Variants in TUT7 observed in about 807,000 individuals in gnomAD.
The protein encoded by TUT7 is terminal uridylyl transferase 7.
Under a neutral mutation model 165.9 loss-of-function variants are expected in TUT7, and 33 were observed. That is an observed-to-expected ratio of 0.20 (90% CI 0.15 to 0.27). The LOEUF is 0.27. TUT7 is among the 10% of genes least tolerant of loss of function. The pLI is 1.00. For synonymous variants in TUT7, 552 were observed against 608.1 expected (o/e 0.91, Z 1.36); for missense variants, 1,338 against 1,762.3 (o/e 0.76, Z 4.31).
In TUT7 at chr9:86,310,807, G is replaced by A; in HGVS notation, c.3277C>T (p.Leu1093=). The A allele has an allele frequency of 1.9e-6, 3 of 1,581,084 alleles. No homozygotes were observed. The highest frequency in any genetic ancestry group is 2.6e-6 in the Non-Finnish European group (3 of 1,150,362). Residue 1093 remains leucine, a splice_region_variant and synonymous_variant, in exon 18 of 27, where the codon CTG becomes TTG. Coordinates refer to ENST00000375963, the MANE Select transcript of TUT7 (RefSeq NM_024617.4). ...LARVLRKHSG[L]RNILPITTAK... is the part of the protein sequence containing the mutation. ...GTTGTAATAGGTAAGATGTTTCTCA[G>A]ACCTAAGTTGGGAAATAAAATGTTA... is the stretch of plus-strand genomic sequence containing the variant.
intron 15 of TUT7, 35 bp from the exon 16 acceptor site, chr9:86,319,093 C>A (rs1159740597): frequency 6.9e-7 from 1 of 1,455,808 alleles, no homozygotes; most frequent in Non-Finnish European, 9.5e-7. Flanking sequence ...TAACTAATTA[C>A]CTGAGTACAT....
At chr9:86,302,423 A>G (rs76083801) in intron 25 of TUT7, among the ~76,000 whole-genome samples, 2 of 152,214 alleles carry the variant, frequency 1.3e-5, no homozygotes, top group African/African-American at 4.8e-5. Context: ...TGTAACTGAG[A>G]TCCTGAAGGA....
At chr9:86,317,311 A>G (rs41316484) in intron 16 of TUT7, 35 bp from the exon 17 acceptor site, 135,118 of 1,566,556 alleles carry the variant, frequency 0.086, 7,236 homozygotes, top group South Asian at 0.22. Context: ...CTTAACCAAA[A>G]CTGGAAGACA....
At chr9:86,318,445 T>A (rs956029005) in intron 16 of TUT7, among the ~76,000 whole-genome samples, 1 of 152,228 alleles carries the variant, frequency 6.6e-6, no homozygotes, top group Non-Finnish European at 1.5e-5. Flanking sequence ...CTGACCCACA[T>A]GATCCATGAT....
intron 25 of TUT7, among the ~76,000 whole-genome samples, chr9:86,302,776 T>G (rs1391862350): frequency 2.0e-5 from 3 of 151,042 alleles, no homozygotes; most frequent in Non-Finnish European, 4.4e-5. Context: ...GCCACCATGC[T>G]TGGCTAATTT....
chr9:86,350,839 A>T (rs1483008671), intron 2 of TUT7, among the ~76,000 whole-genome samples: 1 of 152,174 alleles, frequency 6.6e-6, no homozygotes, highest in African/African-American at 2.4e-5. Context: ...TTCAAATTTA[A>T]AAATATCTGA....
intron 17 of TUT7, 102 bp from the exon 18 acceptor site, chr9:86,310,911 G>T (rs2131357007): frequency 2.9e-6 from 2 of 678,232 alleles, no homozygotes. Context: ...CCTAACTTTG[G>T]CCTGTTTCAT....
intron 6 of TUT7, among the ~76,000 whole-genome samples, chr9:86,342,250 C>G (rs914466211): frequency 1.3e-5 from 2 of 152,114 alleles, no homozygotes; most frequent in East Asian, 3.9e-4. Flanking sequence ...CTCAGTCTCC[C>G]GAGTAGCTGG....
chr9:86,297,649 G>A (rs187357079), intron 26 of TUT7, among the ~76,000 whole-genome samples: 3 of 152,238 alleles, frequency 2.0e-5, no homozygotes, highest in African/African-American at 7.2e-5. Flanking sequence ...GCAACATAGT[G>A]AGACCACATC....
At chr9:86,331,665 A>G (rs890187690) in intron 10 of TUT7, among the ~76,000 whole-genome samples, 4 of 152,202 alleles carry the variant, frequency 2.6e-5, no homozygotes, top group Admixed American at 2.6e-4. Flanking sequence ...TTTGGTTACA[A>G]TTTACATCTT....
chr9:86,311,777 G>A lies in TUT7; in HGVS notation c.3275-968C>T, dbSNP rs1035573396. 8.6e-5 allele frequency among the ~76,000 whole-genome samples: 13 copies of A among 152,010 alleles called. No individual in the cohort carries two copies. The highest frequency in any genetic ancestry group is 2.7e-4 in the African/African-American group (11 of 41,376). ...TGCGATTGCAGGTGCGCGCCGCCACGCCTGACTGGTTTTCGTATTTTTTTG... is the reference window on the plus strand; with the variant it reads ...TGCGATTGCAGGTGCGCGCCGCCACACCTGACTGGTTTTCGTATTTTTTTG... On this transcript the variant is annotated intron_variant, in intron 17 of 26. Coordinates refer to ENST00000375963, the MANE Select transcript of TUT7 (RefSeq NM_024617.4). The surrounding 1 kb of genome is among the most constrained non-coding windows in gnomAD (Gnocchi z 4.4).
rs1041338031 is a variant in TUT7 at position 86,354,274 on chromosome 9, CG to C, written c.-36del. On this transcript the variant is annotated 5_prime_UTR_variant, in exon 1 of 27. Transcript: ENST00000375963. ...GCGGGGGATGGAACCAACGTACCTCCGGGGCCAGGCCGGACAGCTACTCTGG... is the reference window on the plus strand; with the variant it reads ...GCGGGGGATGGAACCAACGTACCTCCGGGCCAGGCCGGACAGCTACTCTGG... The C allele has an allele frequency of 5.2e-5, 8 of 152,820 alleles. No individual in the cohort carries two copies. Among genetic ancestry groups the C allele is most frequent in the Non-Finnish European group, 1.2e-4 (8 of 68,186 alleles). 9.5% of individuals were successfully genotyped at this position (152,820 alleles called of 1,614,324 possible). A position where few individuals can be genotyped will look rare whatever the true frequency, so the allele number is the denominator to read the frequency against.
chr9:86,327,451 A>C (rs1207457382), intron 11 of TUT7, among the ~76,000 whole-genome samples: 2 of 152,204 alleles, frequency 1.3e-5, no homozygotes, highest in Non-Finnish European at 1.5e-5. Flanking sequence ...GTAGGGAGGA[A>C]ACTGGTGCAC....
chr9:86,301,241 T>C (rs764628105), intron 26 of TUT7, 35 bp downstream of exon 26: 65 of 1,559,976 alleles, frequency 4.2e-5, no homozygotes, highest in Non-Finnish European at 5.4e-5. Flanking sequence ...CTTGAGATGT[T>C]AGAGCAAACA....
Position 86,325,519 on chromosome 9 carries a change from T to G in TUT7, c.1609-5A>C, listed in dbSNP as rs1829709254. The G allele has an allele frequency of 6.2e-7, 1 of 1,608,360 alleles. No individual in the cohort carries two copies. The highest frequency in any genetic ancestry group is 2.2e-5 in the East Asian group (1 of 44,806). ...CACATCCAATATTAATGACACCTATTAATAGCAAAGAGAAACATACAGGTT... is the reference window on the plus strand; with the variant it reads ...CACATCCAATATTAATGACACCTATGAATAGCAAAGAGAAACATACAGGTT... On this transcript the variant is annotated splice_region_variant and splice_polypyrimidine_tract_variant and intron_variant, in intron 11 of 26. Transcript: ENST00000375963.
At chr9:86,346,277 A>AAT (rs761548535) in intron 3 of TUT7, 22 bp downstream of exon 3, 11 of 1,596,858 alleles carry the variant, frequency 6.9e-6, no homozygotes, top group Admixed American at 5.3e-5. Flanking sequence ...CTAACCAACA[A>AAT]ATATATATAT....
In TUT7 at chr9:86,345,741, A is replaced by G. The variant is rs200884867; in HGVS notation, c.747T>C (p.Cys249=). The change falls in exon 4 of 27, where the codon TGT becomes TGC. Residue 249 remains cysteine (C), a synonymous_variant. Coordinates refer to ENST00000375963, the MANE Select transcript of TUT7 (RefSeq NM_024617.4). ...ATGCAATGGATTCAATTAAAACATC[A>G]CAGAGTCTGCAGGTGTACTTTGCTG... ...YPTAKYTCRL[C]DVLIESIAFA... is the part of the protein sequence containing the mutation. 3.7e-6 allele frequency: 6 copies of G among 1,613,718 alleles called. No individual in the cohort carries two copies. The Admixed American group carries it at 1.0e-4, about 27-fold the overall frequency.
intron 26 of TUT7, among the ~76,000 whole-genome samples, chr9:86,289,154 T>C (rs957558089): frequency 6.6e-6 from 1 of 152,236 alleles, no homozygotes; most frequent in Non-Finnish European, 1.5e-5. Context: ...TACGAAGCTG[T>C]GGATGGTAAT....
At position 86,323,419 on chromosome 9, in the gene TUT7, G is replaced by T. The variant is rs556235880; in HGVS notation, c.2331C>A (p.Ser777Arg). ...QKRGEHVVCG[S>R]TRNNESESTL... ...TGCTCTCTGACTCATTATTACGTGT[G>T]CTGCCACAGACAACATGCTCTCCAC... Residue 777 changes from serine to arginine, a missense_variant, in exon 13 of 27, where the codon AGC (serine) becomes AGA (arginine). This residue lies in a region of TUT7 where 425 missense variants were observed against 474.9 expected (regional missense o/e 0.89). Transcript: ENST00000375963. 44 of 1,614,202 alleles carry T rather than the reference G, an allele frequency of 2.7e-5. No individual in the cohort carries two copies. Among genetic ancestry groups the T allele is most frequent in the Non-Finnish European group, 3.7e-5 (44 of 1,180,044 alleles).
Sources: allele counts gnomAD v4.1 joint callset (sites outside exome capture counted in the v4.1 genomes callset), GRCh38; gene constraint gnomAD v4.1.1; regional missense constraint gnomAD v4.1.1; non-coding constraint Gnocchi (gnomAD v3.1); transcripts MANE v1.5; gene names NCBI Gene and HGNC (gene_info 2026-07-23, HGNC 2026-07-21).